The following COL19A1 variants were observed in gnomAD, a reference collection of about 807,000 sequenced individuals.
The protein encoded by COL19A1 is collagen alpha-1(XIX) chain.
A neutral mutation model predicts 190.2 loss-of-function variants in COL19A1; 159 were observed. The ratio of observed to expected loss-of-function variants is 0.84; its 90% confidence interval spans 0.73 to 0.95. COL19A1 has a LOEUF of 0.95. Ranked by LOEUF, COL19A1 falls within the 40% of genes least tolerant of loss-of-function variation. The pLI, the probability that COL19A1 is intolerant of heterozygous loss-of-function variation, is 0.00. For synonymous variants in COL19A1, 509 were observed against 458.9 expected (o/e 1.11, Z -1.39); for missense variants, 1,418 against 1,431.9 (o/e 0.99, Z 0.16).
intron 42 of COL19A1, among the ~76,000 whole-genome samples, chr6:70,176,928 C>T (rs1408034789): frequency 2.0e-4 from 31 of 152,146 alleles, no homozygotes; most frequent in Non-Finnish European, 7.4e-5. Flanking sequence ...AGTTCTTATC[C>T]TCAGGCATGT....
At chr6:70,193,367 T>A (rs1766999844) in intron 48 of COL19A1, among the ~76,000 whole-genome samples, 1 of 152,208 alleles carries the variant, frequency 6.6e-6, no homozygotes, top group Non-Finnish European at 1.5e-5. Flanking sequence ...ACCAGACTTC[T>A]GCTTTCTGAG....
chr6:69,892,872 C>T lies in COL19A1; in HGVS notation c.92-6076C>T, dbSNP rs1007966035. Among the ~76,000 whole-genome samples the T allele has an allele frequency of 2.4e-4, 37 of 152,220 alleles. 1 individual carries two copies. Among genetic ancestry groups the T allele is most frequent in the South Asian group, 6.2e-4 (3 of 4,826 alleles). The stretch of plus-strand genomic sequence containing the variant: ...AGCCTTGGTAAAACAACCACTTTCT[C>T]CAATTGTGTCCTGCCACAAAAGAAA... On this transcript the variant is annotated intron_variant, in intron 2 of 50. Coordinates refer to ENST00000620364, the MANE Select transcript of COL19A1 (RefSeq NM_001858.6).
chr6:70,072,087 G>C (rs1283016562), intron 15 of COL19A1, among the ~76,000 whole-genome samples: 1 of 152,112 alleles, frequency 6.6e-6, no homozygotes, highest in Non-Finnish European at 1.5e-5. Flanking sequence ...TGGAAACCCA[G>C]AGAAGTATCT....
At chr6:69,926,236 A>G (rs1772385745) in intron 4 of COL19A1, among the ~76,000 whole-genome samples, 1 of 152,076 alleles carries the variant, frequency 6.6e-6, no homozygotes, top group East Asian at 1.9e-4. Flanking sequence ...TCAATTAACA[A>G]TTAGAAGATA....
chr6:70,079,154 A>C (rs1464566171), intron 15 of COL19A1, among the ~76,000 whole-genome samples: 3 of 152,250 alleles, frequency 2.0e-5, no homozygotes, highest in Non-Finnish European at 4.4e-5. Flanking sequence ...TGGGAGTGAC[A>C]TCAAGGAGAT....
intron 37 of COL19A1, among the ~76,000 whole-genome samples, chr6:70,166,420 C>T (rs922753175): frequency 6.6e-6 from 1 of 152,192 alleles, no homozygotes; most frequent in Non-Finnish European, 1.5e-5. Flanking sequence ...CAAGGAAACT[C>T]TATTTATGTA....
At chr6:70,008,604 A>C (rs1040642303) in intron 11 of COL19A1, among the ~76,000 whole-genome samples, 2 of 151,946 alleles carry the variant, frequency 1.3e-5, no homozygotes, top group Non-Finnish European at 2.9e-5. Context: ...AGATGTCTTC[A>C]TCTTTATTTG....
intron 14 of COL19A1, among the ~76,000 whole-genome samples, chr6:70,057,737 A>G (rs1209657572): frequency 6.6e-6 from 1 of 152,098 alleles, no homozygotes; most frequent in African/African-American, 2.4e-5. Context: ...ACTGCCACAT[A>G]AGAAGTAAAA....
intron 4 of COL19A1, among the ~76,000 whole-genome samples, chr6:69,913,321 A>G (rs535772148): frequency 2.0e-5 from 3 of 152,322 alleles, no homozygotes; most frequent in South Asian, 2.1e-4. Flanking sequence ...CCCAAATGAT[A>G]GTAAATATTA....
chr6:70,053,153 G>C (rs1486235492), intron 14 of COL19A1, among the ~76,000 whole-genome samples: 2 of 152,058 alleles, frequency 1.3e-5, no homozygotes, highest in African/African-American at 4.8e-5. Context: ...TGTATGTTAT[G>C]CATTATTATT....
intron 8 of COL19A1, among the ~76,000 whole-genome samples, chr6:69,937,399 G>T (rs1427536552): frequency 2.0e-5 from 3 of 152,154 alleles, no homozygotes; most frequent in African/African-American, 4.8e-5. Context: ...GGGCTCTGTT[G>T]TTACTCAAAT....
intron 34 of COL19A1, among the ~76,000 whole-genome samples, chr6:70,157,600 C>A (rs1001908042): frequency 1.3e-5 from 2 of 151,872 alleles, no homozygotes; most frequent in African/African-American, 2.4e-5. Context: ...ATTAATATTG[C>A]TTGTAATCTA....
At chr6:70,126,234 C>G (rs1020444903) in intron 17 of COL19A1, among the ~76,000 whole-genome samples, 2 of 151,930 alleles carry the variant, frequency 1.3e-5, no homozygotes, top group African/African-American at 2.4e-5. Flanking sequence ...TTAATATCCA[C>G]AGACTAGAAA....
At chr6:70,038,213 T>A (rs574818414) in intron 14 of COL19A1, among the ~76,000 whole-genome samples, 1 of 152,348 alleles carries the variant, frequency 6.6e-6, no homozygotes, top group East Asian at 1.9e-4. Context: ...ACAGAGTTCA[T>A]CCATAATTGT....
intron 15 of COL19A1, among the ~76,000 whole-genome samples, chr6:70,099,960 G>C (rs754358603): frequency 1.3e-5 from 2 of 152,106 alleles, no homozygotes; most frequent in Non-Finnish European, 2.9e-5. Flanking sequence ...CCTGAATCTT[G>C]GATGCTTTTT....
Position 70,161,912 on chromosome 6 carries a change from A to T in COL19A1, c.2305A>T (p.Ile769Phe). 1 of 1,607,858 alleles carries T rather than the reference A, an allele frequency of 6.2e-7. No individual in the cohort carries two copies. Residue 769 changes from isoleucine (I) to phenylalanine (F), a missense_variant, in exon 35 of 51, where the codon ATT (isoleucine) becomes TTT (phenylalanine). By Grantham distance (21) the Ile-to-Phe change is conservative. Transcript: ENST00000620364. ...CTATCTTTTCCAGGGTCTTCAAGGA[A>T]TTCCAGGCATTCCAGGTGCTCCAGG... is the stretch of plus-strand genomic sequence containing the variant. The part of the protein sequence containing the change: ...GEKGDEGLQG[I>F]PGIPGAPGPT...
chr6:69,951,583 A>T (rs1774126606), intron 9 of COL19A1, among the ~76,000 whole-genome samples: 1 of 151,886 alleles, frequency 6.6e-6, no homozygotes, highest in Non-Finnish European at 1.5e-5. Context: ...TGACCTCTTA[A>T]AACAAACTAG....
chr6:69,997,014 C>CACATAT (rs1554186373), intron 11 of COL19A1, among the ~76,000 whole-genome samples: 3 of 142,692 alleles, frequency 2.1e-5, no homozygotes, highest in African/African-American at 8.0e-5. Context: ...TTTATATATA[C>CACATAT]ATATATATAT....
chr6:70,183,785 C>A (rs534598198), intron 44 of COL19A1, among the ~76,000 whole-genome samples: 2 of 152,316 alleles, frequency 1.3e-5, no homozygotes, highest in Non-Finnish European at 2.9e-5. Flanking sequence ...CCACAGAATC[C>A]ATTCCAGCAC....
Sources: allele counts gnomAD v4.1 joint callset (sites outside exome capture counted in the v4.1 genomes callset), GRCh38; gene constraint gnomAD v4.1.1; transcripts MANE v1.5; gene names NCBI Gene and HGNC (gene_info 2026-07-23, HGNC 2026-07-21).